MALRD1: variants seen among roughly 807,000 people sequenced by gnomAD.
The protein encoded by MALRD1 is MAM and LDL-receptor class A domain-containing protein 1.
A neutral mutation model predicts 242.1 loss-of-function variants in MALRD1; 247 were observed. The ratio of observed to expected loss-of-function variants is 1.02; its 90% confidence interval spans 0.92 to 1.13. The LOEUF is 1.13. Ranked by LOEUF, MALRD1 falls within the 50% of genes most tolerant of loss-of-function variation. The pLI is 0.00. For missense variants in MALRD1, 2,989 were observed against 2,533.1 expected, an observed-to-expected ratio of 1.18 and a Z score of -3.86; for synonymous variants, 995 against 866.6, an observed-to-expected ratio of 1.15 and a Z score of -2.60.
At chr10:19,580,812 G>T (rs900680832) in intron 33 of MALRD1, among the ~76,000 whole-genome samples, 1 of 151,952 alleles carries the variant, frequency 6.6e-6, no homozygotes, top group African/African-American at 2.4e-5. Flanking sequence ...CTTCACTCTT[G>T]TCTCTCTGTC....
rs1342441510 is a variant in MALRD1 at position 19,204,882 on chromosome 10, G to A, written c.2211-16G>A. 7.9e-6 allele frequency: 12 copies of A among 1,524,360 alleles called. No individual in the cohort carries two copies. The highest frequency in any genetic ancestry group is 6.2e-5 in the South Asian group (5 of 80,834). 94.4% of individuals were successfully genotyped at this position (1,524,360 alleles called of 1,614,324 possible). A position where few individuals can be genotyped will look rare whatever the true frequency, so the allele number is the denominator to read the frequency against. ...TCTATAAATCACTTCCATTTCTTAC[G>A]TTTACTCTTTTTTAGGTTCTATAAC... is the stretch of plus-strand genomic sequence containing the variant. On this transcript the variant is annotated splice_polypyrimidine_tract_variant and intron_variant, in intron 16 of 39. Coordinates refer to ENST00000454679, the MANE Select transcript of MALRD1 (RefSeq NM_001142308.3).
chr10:19,595,258 A>G lies in MALRD1; in HGVS notation c.5745A>G (p.Gln1915=), dbSNP rs970268739. The G allele has an allele frequency of 9.7e-6, 15 of 1,550,136 alleles. No individual in the cohort carries two copies. The highest frequency in any genetic ancestry group is 3.6e-5 in the South Asian group (3 of 84,050). ...AGTTTTCTTGTATCTACACACTCCA[A>G]TGTGTCCCTCTCTCAGGGAAATGTG... ...ADQFSCIYTL[Q]CVPLSGKCDG... Residue 1915 remains glutamine (Q), a synonymous_variant, in exon 34 of 40, where the codon CAA becomes CAG. Transcript: ENST00000454679.
intron 24 of MALRD1, among the ~76,000 whole-genome samples, chr10:19,344,921 A>G (rs984730964): frequency 1.3e-5 from 2 of 152,098 alleles, no homozygotes; most frequent in Non-Finnish European, 2.9e-5. Flanking sequence ...TTGATGACAC[A>G]GCTTTAGACA....
chr10:19,444,373 CT>C (rs1355226940), intron 28 of MALRD1, among the ~76,000 whole-genome samples: 2 of 152,112 alleles, frequency 1.3e-5, no homozygotes. Context: ...GGTTATTTTG[CT>C]CGTTAGTTGA....
At chr10:19,229,720 T>A (rs190163597) in intron 18 of MALRD1, among the ~76,000 whole-genome samples, 10 of 152,328 alleles carry the variant, frequency 6.6e-5, no homozygotes, top group Admixed American at 5.9e-4. Flanking sequence ...GCACCTTTTG[T>A]CTGTGGTCAC....
At chr10:19,507,050 A>G (rs961258056) in intron 31 of MALRD1, among the ~76,000 whole-genome samples, 6 of 152,172 alleles carry the variant, frequency 3.9e-5, no homozygotes, top group African/African-American at 1.4e-4. Context: ...ACGCATGGTG[A>G]AAGCAGGAAC....
rs565227062 is a variant in MALRD1, at chr10:19,209,280, A to C, written c.2591A>C (p.Gln864Pro). The change falls in exon 18 of 40, where the codon CAG becomes CCG. Residue 864 changes from glutamine (Q) to proline (P), a missense_variant. By Grantham distance (76) the Gln-to-Pro change is moderately conservative (BLOSUM62 -1). Transcript: ENST00000454679. ...ATGTGAATTTCAGCACCTGAGCTGC[A>C]GTGTAACTTTGAAACTGGAATCTGT... Reference protein sequence around the residue: ...TDEVNCAPELQCNFETGICNW... With the variant: ...TDEVNCAPELPCNFETGICNW... 15 of 1,535,768 alleles carry C rather than the reference A, an allele frequency of 9.8e-6. No individual in the cohort carries two copies. Among genetic ancestry groups the C allele is most frequent in the South Asian group, 7.4e-5 (6 of 81,398 alleles).
chr10:19,625,012 G>T (rs1326837196), intron 36 of MALRD1, among the ~76,000 whole-genome samples: 1 of 151,678 alleles, frequency 6.6e-6, no homozygotes, highest in Non-Finnish European at 1.5e-5. Context: ...AGCTATGATC[G>T]CAATACTGCA....
At chr10:19,719,656 TG>T in intron 38 of MALRD1, among the ~76,000 whole-genome samples, 1 of 152,308 alleles carries the variant, frequency 6.6e-6, no homozygotes, top group African/African-American at 2.4e-5. Context: ...CTCTGCGTTT[TG>T]TGGCATTTCT....
intron 31 of MALRD1, among the ~76,000 whole-genome samples, chr10:19,509,079 A>G (rs1011741847): frequency 2.6e-5 from 4 of 152,200 alleles, no homozygotes; most frequent in African/African-American, 4.8e-5. Flanking sequence ...AGCCTAATCT[A>G]TTATCTTTAT....
At chr10:19,528,562 C>T (rs1834200510) in intron 31 of MALRD1, among the ~76,000 whole-genome samples, 1 of 152,106 alleles carries the variant, frequency 6.6e-6, no homozygotes, top group Non-Finnish European at 1.5e-5. Flanking sequence ...CGTTGCACTC[C>T]AGCCTGGCGA....
intron 38 of MALRD1, chr10:19,725,053 G>A (rs1463557399): frequency 1.3e-5 from 2 of 152,216 alleles, no homozygotes; most frequent in East Asian, 1.9e-4. Flanking sequence ...AAATCACAAA[G>A]CATTATTGAA....
chr10:19,265,057 A>G (rs7096783), intron 19 of MALRD1, among the ~76,000 whole-genome samples: 67,456 of 151,906 alleles, frequency 0.44, 15,639 homozygotes, highest in Admixed American at 0.59. Context: ...TAGCAGTCTC[A>G]TATGATCCTT....
upstream of MALRD1, among the ~76,000 whole-genome samples, chr10:19,048,488 G>A (rs1176380858): frequency 6.6e-6 from 1 of 152,140 alleles, no homozygotes. Flanking sequence ...ATATGTTTTA[G>A]TGTCCACAAT....
chr10:19,542,035 A>G (rs1834995985), intron 32 of MALRD1, among the ~76,000 whole-genome samples: 1 of 152,314 alleles, frequency 6.6e-6, no homozygotes, highest in African/African-American at 2.4e-5. Context: ...TCTTTTCACA[A>G]TATAATAAAA....
intron 2 of MALRD1, among the ~76,000 whole-genome samples, chr10:19,080,539 T>C (rs892972193): frequency 6.6e-6 from 1 of 152,058 alleles, no homozygotes; most frequent in Non-Finnish European, 1.5e-5. Flanking sequence ...ATTTAACAAA[T>C]GGTGCTGGGA....
chr10:19,229,880 A>T (rs891383729), intron 18 of MALRD1, among the ~76,000 whole-genome samples: 1 of 152,134 alleles, frequency 6.6e-6, no homozygotes, highest in Non-Finnish European at 1.5e-5. Context: ...TTACTGTCTG[A>T]TATGGCTTGG....
chr10:19,335,274 G>T (rs1467735220), intron 24 of MALRD1, among the ~76,000 whole-genome samples: 1 of 149,034 alleles, frequency 6.7e-6, no homozygotes, highest in South Asian at 2.1e-4. Context: ...TCCAAATAAT[G>T]CATAGGAAAA....
chr10:19,581,221 ATTT>A (rs1837104299), intron 33 of MALRD1, among the ~76,000 whole-genome samples: 1 of 151,502 alleles, frequency 6.6e-6, no homozygotes, highest in Admixed American at 6.6e-5. Context: ...TTATTTATTT[ATTT>A]ATTTATTATT....
Sources: gnomAD v4.1 joint callset for allele counts (sites outside exome capture counted in the v4.1 genomes callset) on GRCh38, gnomAD v4.1.1 for gene constraint, MANE v1.5 for transcripts, NCBI Gene and HGNC (gene_info 2026-07-23, HGNC 2026-07-21) for gene names.